The following CYTH3 variants were observed in gnomAD, a reference collection of about 807,000 sequenced individuals.
The protein encoded by CYTH3 is cytohesin-3.
In CYTH3, 23 loss-of-function variants were observed where a neutral mutation model predicts 55.1. The ratio of observed to expected loss-of-function variants is 0.42; its 90% CI spans 0.30 to 0.59. CYTH3 has a LOEUF of 0.59. Ranked by LOEUF, CYTH3 falls within the 20% of genes least tolerant of loss-of-function variation. The probability of loss-of-function intolerance (pLI) is 0.20; values close to 1 mark genes in which losing one functional copy is unlikely to be tolerated. For synonymous variants in CYTH3, 249 were observed against 194.9 expected, an observed-to-expected ratio of 1.28 and a Z score of -2.31; for missense variants, 413 against 524.8, an observed-to-expected ratio of 0.79 and a Z score of 2.08.
At chr7:6,182,719 A>T (rs1783535114) in intron 4 of CYTH3, among the ~76,000 whole-genome samples, 1 of 151,904 alleles carries the variant, frequency 6.6e-6, no homozygotes. Context: ...TCACTATGTT[A>T]GGCTGGTTTT....
Position 6,170,475 on chromosome 7 carries a change from G to T in CYTH3, c.823+60C>A. On this transcript the variant is annotated intron_variant, in intron 9 of 12. Transcript: ENST00000350796. This position sits in a 1 kb window ranked among gnomAD's most constrained non-coding sequence, Gnocchi z 7.8. Reference sequence around the variant, plus strand: ...CCTACGATGAGCCTGGGAGGAACCCGAGGGGCTGCTGCCATGGGCAGAGGG... The same window carrying T: ...CCTACGATGAGCCTGGGAGGAACCCTAGGGGCTGCTGCCATGGGCAGAGGG... 6.7e-7 allele frequency: 1 copy of T among 1,501,712 alleles called. No homozygotes were observed. Among genetic ancestry groups the T allele is most frequent in the Non-Finnish European group, 9.1e-7 (1 of 1,093,052 alleles). The allele number at this position is 1,501,712 out of a possible 1,614,324, so 93.0% of individuals were successfully genotyped here. A position where few individuals can be genotyped will look rare whatever the true frequency, so the allele number is the denominator to read the frequency against.
intron 1 of CYTH3, among the ~76,000 whole-genome samples, chr7:6,204,146 C>T (rs895976391): frequency 8.5e-5 from 13 of 152,178 alleles, no homozygotes; most frequent in African/African-American, 2.6e-4. Flanking sequence ...GGTTTAGGTG[C>T]CAGCTTTTTT....
chr7:6,239,362 C>A (rs1434769402), intron 1 of CYTH3, among the ~76,000 whole-genome samples: 1 of 152,202 alleles, frequency 6.6e-6, no homozygotes, highest in Non-Finnish European at 1.5e-5. Flanking sequence ...TGACCTCTCC[C>A]CTTTAGCCAA....
In CYTH3 at chr7:6,162,185, C is replaced by T. The variant is rs772544562; in HGVS notation, c.*2759G>A. 4 of 152,524 alleles carry T rather than the reference C, an allele frequency of 2.6e-5. No individual in the cohort carries two copies. The highest frequency in any genetic ancestry group is 5.9e-5 in the Non-Finnish European group (4 of 68,036). The allele number at this position is 152,524 out of a possible 1,614,324, so 9.4% of individuals were successfully genotyped here. A position where few individuals can be genotyped will look rare whatever the true frequency, so the allele number is the denominator to read the frequency against. ...TCAGTTTGGTACCACATTAAACTGCCCCAAAATGTTCTGTGACCCCAAAGA... is the reference window on the plus strand; with the variant it reads ...TCAGTTTGGTACCACATTAAACTGCTCCAAAATGTTCTGTGACCCCAAAGA... On this transcript the variant is annotated 3_prime_UTR_variant, in exon 13 of 13. Coordinates refer to ENST00000350796, the MANE Select transcript of CYTH3 (RefSeq NM_004227.4).
At chr7:6,226,948 C>T (rs1375664608) in intron 1 of CYTH3, among the ~76,000 whole-genome samples, 9 of 151,946 alleles carry the variant, frequency 5.9e-5, no homozygotes, top group Admixed American at 2.0e-4. Context: ...GGCGTGGTGG[C>T]GGGCACCTGT....
At chr7:6,212,946 C>A (rs1353131276) in intron 1 of CYTH3, among the ~76,000 whole-genome samples, 1 of 152,224 alleles carries the variant, frequency 6.6e-6, no homozygotes, top group Non-Finnish European at 1.5e-5. Context: ...ACCAACAGTG[C>A]ACAAGGTTTC....
At chr7:6,265,375 G>A (rs941102952) in intron 1 of CYTH3, among the ~76,000 whole-genome samples, 2 of 152,026 alleles carry the variant, frequency 1.3e-5, no homozygotes, top group African/African-American at 4.8e-5. Context: ...CACTTTGGGA[G>A]GCCAAGGCAG....
chr7:6,179,921 CCACACA>C (rs746252535), intron 4 of CYTH3, among the ~76,000 whole-genome samples: 131 of 141,852 alleles, frequency 9.2e-4, no homozygotes, highest in Non-Finnish European at 1.7e-3. Context: ...CACACACAAA[CCACACA>C]CACACACACA....
intron 1 of CYTH3, among the ~76,000 whole-genome samples, chr7:6,192,594 C>A (rs971357116): frequency 6.9e-6 from 1 of 144,880 alleles, no homozygotes; most frequent in Non-Finnish European, 1.5e-5. Flanking sequence ...TGCGGTGGCA[C>A]GATCTCAGCT....
intron 4 of CYTH3, among the ~76,000 whole-genome samples, chr7:6,182,829 T>C (rs896061451): frequency 4.6e-5 from 7 of 152,212 alleles, no homozygotes; most frequent in Non-Finnish European, 8.8e-5. Context: ...CCATTAAGTC[T>C]GTTTCCTCCA....
At chr7:6,249,447 T>C (rs761098790) in intron 1 of CYTH3, among the ~76,000 whole-genome samples, 3 of 151,942 alleles carry the variant, frequency 2.0e-5, no homozygotes, top group Non-Finnish European at 4.4e-5. Flanking sequence ...CAGAGAAGAG[T>C]GTAGAAAACC....
chr7:6,166,933 T>A lies in CYTH3; in HGVS notation c.824-1123A>T, dbSNP rs182134106. Reference sequence around the variant, plus strand: ...TCCCACCAGCCTACCTGTTAAAGGGTCTGTCTAGACCCTGGTCTGGGCAAA... The same window carrying A: ...TCCCACCAGCCTACCTGTTAAAGGGACTGTCTAGACCCTGGTCTGGGCAAA... On this transcript the variant is annotated intron_variant, in intron 9 of 12. Transcript: ENST00000350796. Among the ~76,000 whole-genome samples, 26 of 152,108 alleles carry A rather than the reference T, an allele frequency of 1.7e-4. 1 individual carries two copies. The highest frequency in any genetic ancestry group is 4.8e-4 in the African/African-American group (20 of 41,498).
In CYTH3 at chr7:6,170,525, G is replaced by A. The variant is rs1169222043; in HGVS notation, c.823+10C>T. On this transcript the variant is annotated intron_variant, in intron 9 of 12. Coordinates refer to ENST00000350796, the MANE Select transcript of CYTH3 (RefSeq NM_004227.4). The surrounding 1 kb of genome is among the most constrained non-coding windows in gnomAD (Gnocchi z 7.8). ...GGTCACGCCCGGGTCCCGCTGGGCC[G>A]GCGGCTCACCCAGCTTCAGGAGCCA... 1 of 1,612,686 alleles carries A rather than the reference G, an allele frequency of 6.2e-7. No homozygotes were observed. Among genetic ancestry groups the A allele is most frequent in the African/African-American group, 1.3e-5 (1 of 74,896 alleles).
chr7:6,272,219 C>G (rs1057229043), intron 1 of CYTH3, among the ~76,000 whole-genome samples: 1 of 152,012 alleles, frequency 6.6e-6, no homozygotes, highest in African/African-American at 2.4e-5. Context: ...CGACCCCAGC[C>G]CGCGGCAGCC....
intron 1 of CYTH3, among the ~76,000 whole-genome samples, chr7:6,253,773 G>C (rs544623949): frequency 6.6e-6 from 1 of 152,126 alleles, no homozygotes; most frequent in South Asian, 2.1e-4. Flanking sequence ...CCGAGATCAT[G>C]AGACTGCACT....
intron 1 of CYTH3, among the ~76,000 whole-genome samples, chr7:6,248,245 G>C (rs6463534): frequency 2.0e-4 from 24 of 118,816 alleles, no homozygotes; most frequent in East Asian, 6.6e-4. Context: ...CCCCCCCCCA[G>C]CCAAAAAAAA....
chr7:6,272,322 C>T, intron 1 of CYTH3, 152 bp downstream of exon 1: 3 of 684,954 alleles, frequency 4.4e-6, no homozygotes, highest in South Asian at 6.5e-5. Context: ...GGCCCTGGCC[C>T]GGCGTGCCTC....
At chr7:6,179,916 ACAAAC>A (rs1418435237) in intron 4 of CYTH3, among the ~76,000 whole-genome samples, 5 of 146,272 alleles carry the variant, frequency 3.4e-5, no homozygotes, top group African/African-American at 1.0e-4. Flanking sequence ...CCACACACAC[ACAAAC>A]CACACACACA....
At chr7:6,261,189 T>C (rs1016805100) in intron 1 of CYTH3, among the ~76,000 whole-genome samples, 2 of 152,060 alleles carry the variant, frequency 1.3e-5, no homozygotes, top group African/African-American at 4.8e-5. Context: ...GATTCGCCAA[T>C]TCACAGCAGA....
Sources: allele counts gnomAD v4.1 joint callset (sites outside exome capture counted in the v4.1 genomes callset), GRCh38; gene constraint gnomAD v4.1.1; non-coding constraint Gnocchi (gnomAD v3.1); transcripts MANE v1.5; gene names NCBI Gene and HGNC (gene_info 2026-07-23, HGNC 2026-07-21).